The following POLN variants were observed in gnomAD, a reference collection of about 807,000 sequenced individuals.
POLN encodes the protein DNA polymerase nu, also known as DNA polymerase N.
Under a neutral mutation model 113.5 loss-of-function variants are expected in POLN, and 108 were observed. The ratio of observed to expected loss-of-function variants is 0.95; its 90% CI spans 0.81 to 1.12. The LOEUF (loss-of-function observed/expected upper bound fraction) is 1.12. Among genes scored for constraint, POLN ranks in the 50% most tolerant of loss-of-function variants. The pLI, the probability that POLN is intolerant of heterozygous loss-of-function variation, is 0.00. For missense variants in POLN, 1,097 were observed against 1,077.1 expected, an observed-to-expected ratio of 1.02 and a Z score of -0.26; for synonymous variants, 386 against 391.5, an observed-to-expected ratio of 0.99 and a Z score of 0.17.
In POLN at chr4:2,129,219, G is replaced by A. The variant is rs139858414; in HGVS notation, c.1827C>T (p.Ala609=). ...EDKILTISPR[A]MFVSSKGHTF... ...TGTGGCCTTTGGATGAAACAAACAT[G>A]GCCCTCGGGGAGATCGTGAGAATCT... The change falls in exon 18 of 26, where the codon GCC becomes GCT. Residue 609 remains alanine (A), a synonymous_variant. Coordinates refer to ENST00000511885, the MANE Select transcript of POLN (RefSeq NM_181808.4). 8.7e-6 allele frequency: 14 copies of A among 1,600,838 alleles called. No individual in the cohort carries two copies. The African/African-American group carries it at 1.6e-4, about 18-fold the overall frequency.
intron 16 of POLN, among the ~76,000 whole-genome samples, chr4:2,148,621 T>C (rs1732208873): frequency 6.6e-6 from 1 of 151,638 alleles, no homozygotes; most frequent in Non-Finnish European, 1.5e-5. Flanking sequence ...GAGCCGAGAT[T>C]GCACCACGGC....
intron 7 of POLN, among the ~76,000 whole-genome samples, chr4:2,188,075 C>T (rs1733324376): frequency 6.6e-6 from 1 of 152,114 alleles, no homozygotes; most frequent in Non-Finnish European, 1.5e-5. Context: ...ATGATCACAC[C>T]ACTGCATTCC....
chr4:2,171,200 CAATT>C lies in POLN; in HGVS notation c.1375-23_1375-20del, dbSNP rs779633549. The C allele has an allele frequency of 6.4e-7, 1 of 1,574,512 alleles. No homozygotes were observed. Among genetic ancestry groups the C allele is most frequent in the South Asian group, 1.2e-5 (1 of 86,924 alleles). ...GACGAGCCTGAAAATATGATACACACAATTAATTTCATTCATAGTTTTCACAATT... is the reference window on the plus strand; with the variant it reads ...GACGAGCCTGAAAATATGATACACACAATTTCATTCATAGTTTTCACAATT... On this transcript the variant is annotated intron_variant, in intron 11 of 25. Transcript: ENST00000511885.
chr4:2,090,926 A>G (rs1730649010), intron 20 of POLN, among the ~76,000 whole-genome samples: 1 of 152,106 alleles, frequency 6.6e-6, no homozygotes, highest in Admixed American at 6.5e-5. Context: ...TTCTCATTTC[A>G]CTTTCCAGAT....
At chr4:2,212,541 A>AT (rs541104175) in intron 4 of POLN, among the ~76,000 whole-genome samples, 3,206 of 143,994 alleles carry the variant, frequency 0.022, 102 homozygotes, top group African/African-American at 0.07. Context: ...TGCCCAGTTA[A>AT]TTTTTTTTTT....
chr4:2,159,304 G>T, intron 13 of POLN, 93 bp from the exon 14 acceptor site: 2 of 1,036,948 alleles, frequency 1.9e-6, no homozygotes, highest in East Asian at 2.4e-5. Context: ...ATAATAAATG[G>T]TCTAATTGAG....
intron 19 of POLN, among the ~76,000 whole-genome samples, chr4:2,120,714 C>T (rs1357260545): frequency 6.6e-6 from 1 of 152,112 alleles, no homozygotes; most frequent in Admixed American, 6.5e-5. Context: ...ATGCTGGTCT[C>T]GAACTCCTGA....
intron 8 of POLN, among the ~76,000 whole-genome samples, 176 bp downstream of exon 8, chr4:2,179,132 A>G (rs1733069148): frequency 6.6e-6 from 1 of 152,194 alleles, no homozygotes; most frequent in Non-Finnish European, 1.5e-5. Context: ...GCCATCACCT[A>G]TCCTTATTCA....
At chr4:2,163,691 C>G (rs540680991) in intron 13 of POLN, among the ~76,000 whole-genome samples, 2 of 152,256 alleles carry the variant, frequency 1.3e-5, no homozygotes, top group East Asian at 1.9e-4. Context: ...TAGGCTCCCC[C>G]GCCCAATTCT....
intron 19 of POLN, among the ~76,000 whole-genome samples, chr4:2,116,861 T>C (rs892839444): frequency 6.6e-6 from 1 of 152,198 alleles, no homozygotes; most frequent in Non-Finnish European, 1.5e-5. Context: ...ACATATTCTC[T>C]GCAACACAAA....
chr4:2,236,905 T>A (rs948449151), intron 2 of POLN, among the ~76,000 whole-genome samples: 2 of 149,716 alleles, frequency 1.3e-5, no homozygotes, highest in African/African-American at 4.9e-5. Flanking sequence ...AATAATATTA[T>A]TATTATTTGT....
At chr4:2,218,047 C>T (rs927002880) in intron 3 of POLN, among the ~76,000 whole-genome samples, 3 of 152,002 alleles carry the variant, frequency 2.0e-5, no homozygotes, top group East Asian at 1.9e-4. Context: ...CCCAGCTACT[C>T]GGGAGACTGA....
chr4:2,107,992 C>T (rs928711671), intron 19 of POLN, among the ~76,000 whole-genome samples: 2 of 151,820 alleles, frequency 1.3e-5, no homozygotes, highest in African/African-American at 2.4e-5. Context: ...TTCATCCGAG[C>T]GCTTTGCACC....
chr4:2,155,204 C>T (rs1336947299), intron 16 of POLN, among the ~76,000 whole-genome samples: 4 of 152,150 alleles, frequency 2.6e-5, no homozygotes, highest in Non-Finnish European at 2.9e-5. Flanking sequence ...GAGAAATTAG[C>T]CCAAGGGTAA....
Position 2,169,696 on chromosome 4 carries a change from C to T in POLN, c.1554+983G>A, listed in dbSNP as rs1486273564. On this transcript the variant is annotated intron_variant, in intron 13 of 25. Transcript: ENST00000511885. Reference sequence around the variant, plus strand: ...AGTCGAGCAATGTTTTCATGTTGTCCAAACCATGCTGGCCAGTGATGGCTG... The same window carrying T: ...AGTCGAGCAATGTTTTCATGTTGTCTAAACCATGCTGGCCAGTGATGGCTG... Among the ~76,000 whole-genome samples, 5 of 152,216 alleles carry T rather than the reference C, an allele frequency of 3.3e-5. No homozygotes were observed. The East Asian group carries it at 9.6e-4, about 29-fold the overall frequency.
intron 9 of POLN, 76 bp from the exon 10 acceptor site, chr4:2,174,827 T>A: frequency 1.2e-6 from 1 of 800,008 alleles, no homozygotes; most frequent in Non-Finnish European, 1.7e-6. Flanking sequence ...AAGCCTACTT[T>A]TTTTTTTTTT....
intron 2 of POLN, chr4:2,230,974 A>G (rs1416251363): frequency 6.6e-6 from 1 of 152,228 alleles, no homozygotes; most frequent in Non-Finnish European, 1.5e-5. Flanking sequence ...AACCACTTTT[A>G]CAGAATTTTG....
chr4:2,171,355 C>A (rs1201252935), intron 11 of POLN, among the ~76,000 whole-genome samples, 174 bp from the exon 12 acceptor site: 1 of 142,460 alleles, frequency 7.0e-6, no homozygotes, highest in East Asian at 2.0e-4. Context: ...GAGTTTGAGA[C>A]CAGCCTGGGC....
chr4:2,196,697 G>C (rs1560090190), intron 6 of POLN, among the ~76,000 whole-genome samples: 1 of 151,976 alleles, frequency 6.6e-6, no homozygotes, highest in East Asian at 1.9e-4. Flanking sequence ...CAATAGATTG[G>C]GAATTTCTTT....
Sources: gnomAD v4.1 joint callset for allele counts (sites outside exome capture counted in the v4.1 genomes callset) on GRCh38, gnomAD v4.1.1 for gene constraint, MANE v1.5 for transcripts, NCBI Gene and HGNC (gene_info 2026-07-23, HGNC 2026-07-21) for gene names.